Variants in SMAD9 observed in about 807,000 individuals in gnomAD.
SMAD9 encodes SMAD family member 9, also known as MAD homolog 9.
In SMAD9, 36 loss-of-function variants were observed where a neutral mutation model predicts 46.1. The observed-to-expected ratio is 0.78, with a 90% CI of 0.60 to 1.03. The LOEUF (loss-of-function observed/expected upper bound fraction) is 1.03. SMAD9 is among the 50% of genes least tolerant of loss of function. The pLI is 0.00. For missense variants in SMAD9, 572 were observed against 599.8 expected (o/e 0.95, Z 0.48); for synonymous variants, 245 against 237.1 (o/e 1.03, Z -0.31).
chr13:36,901,354 CTGTTTT>C lies in SMAD9; in HGVS notation c.-187+18756_-187+18761del, dbSNP rs138134884. 4.9e-3 allele frequency among the ~76,000 whole-genome samples: 740 copies of C among 151,936 alleles called. 5 individuals are homozygous for C. The highest frequency in any genetic ancestry group is 0.017 in the African/African-American group (711 of 41,430). On this transcript the variant is annotated intron_variant, in intron 1 of 6. Coordinates refer to ENST00000379826, the MANE Select transcript of SMAD9 (RefSeq NM_001127217.3). ...TGACACTTGTTATTTTTCACTGTTT[CTGTTTT>C]TATTATAGCATCTTAGTAGATATGT...
chr13:36,896,735 G>T (rs933828443), intron 1 of SMAD9, among the ~76,000 whole-genome samples: 7 of 149,232 alleles, frequency 4.7e-5, no homozygotes, highest in Admixed American at 2.0e-4. Context: ...TATCCACCCA[G>T]AGAAACCAAT....
intron 1 of SMAD9, among the ~76,000 whole-genome samples, chr13:36,903,612 T>C (rs1486028697): frequency 1.3e-5 from 2 of 152,240 alleles, no homozygotes; most frequent in East Asian, 3.8e-4. Flanking sequence ...TTGTTTTCTT[T>C]GAACTGAGAG....
rs200467374 is a variant in SMAD9, at chr13:36,865,648, T to C, written c.892A>G (p.Ile298Val). The C allele has an allele frequency of 1.2e-5, 19 of 1,614,186 alleles. No homozygotes were observed. The East Asian group carries it at 2.7e-4, about 23-fold the overall frequency. ...TTTGAAGGGTCGGTGAACCCATCTA[T>C]GAGCACACTTCGGGAGGAAGCCTGG... is the stretch of plus-strand genomic sequence containing the variant. ...TFQASSRSVL[I>V]DGFTDPSNNR... The change falls in exon 5 of 7, where the codon ATA (isoleucine) becomes GTA (valine). Residue 298 changes from isoleucine (I) to valine (V), a missense_variant. Ile to Val is a conservative substitution (Grantham distance 29). Transcript: ENST00000379826.
intron 3 of SMAD9, among the ~76,000 whole-genome samples, chr13:36,869,412 G>C (rs1219767498): frequency 1.3e-5 from 2 of 152,000 alleles, no homozygotes; most frequent in Non-Finnish European, 2.9e-5. Context: ...AGTAGAGACA[G>C]GGTTTCACCA....
chr13:36,845,255 A>G lies in SMAD9; in HGVS notation c.*3421T>C, dbSNP rs1019368517. 3.9e-5 allele frequency: 6 copies of G among 152,174 alleles called. No individual in the cohort carries two copies. The highest frequency in any genetic ancestry group is 1.2e-4 in the African/African-American group (5 of 41,436). The allele number at this position is 152,174 out of a possible 1,614,324, so 9.4% of individuals were successfully genotyped here. On this transcript the variant is annotated 3_prime_UTR_variant, in exon 7 of 7. Coordinates refer to ENST00000379826, the MANE Select transcript of SMAD9 (RefSeq NM_001127217.3). Reference sequence around the variant, plus strand: ...GGGAACATCCATATCCTTAGAAGACAATAAAAAAGAGGATTCTAAATGCTA... The same window carrying G: ...GGGAACATCCATATCCTTAGAAGACGATAAAAAAGAGGATTCTAAATGCTA...
At chr13:36,906,279 C>G (rs1414494773) in intron 1 of SMAD9, among the ~76,000 whole-genome samples, 2 of 151,960 alleles carry the variant, frequency 1.3e-5, no homozygotes, top group Non-Finnish European at 2.9e-5. Flanking sequence ...TTTTTAAAAA[C>G]AGGAAATTTT....
chr13:36,898,056 C>T (rs2058543874), intron 1 of SMAD9, among the ~76,000 whole-genome samples: 1 of 151,758 alleles, frequency 6.6e-6, no homozygotes, highest in Non-Finnish European at 1.5e-5. Context: ...GACAGGGTTT[C>T]ACCGTGTTAG....
intron 6 of SMAD9, chr13:36,852,054 G>A: frequency 2.1e-6 from 2 of 963,906 alleles, no homozygotes; most frequent in Non-Finnish European, 2.5e-6. Flanking sequence ...GAAGTTATTT[G>A]TTAATATAAC....
intron 1 of SMAD9, among the ~76,000 whole-genome samples, chr13:36,916,348 T>C (rs181708818): frequency 1.3e-5 from 2 of 152,328 alleles, no homozygotes; most frequent in East Asian, 1.9e-4. Context: ...AAACTGCTAA[T>C]GCAATAAGAG....
intron 5 of SMAD9, among the ~76,000 whole-genome samples, chr13:36,860,998 G>C (rs957580429): frequency 5.3e-5 from 8 of 152,164 alleles, no homozygotes; most frequent in African/African-American, 1.9e-4. Flanking sequence ...CATCTTGCTA[G>C]TGAGGTCAAA....
At position 36,898,199 on chromosome 13, in the gene SMAD9, TA is replaced by T. The variant is rs1274788617; in HGVS notation, c.-186-18325del. The stretch of plus-strand genomic sequence containing the variant: ...TAATAAGGGTGTGGGTTACCCTTAT[TA>T]GGGGTAGGTAACATAGTTGGTCTAC... On this transcript the variant is annotated intron_variant, in intron 1 of 6. Coordinates refer to ENST00000379826, the MANE Select transcript of SMAD9 (RefSeq NM_001127217.3). 5.3e-5 allele frequency among the ~76,000 whole-genome samples: 8 copies of T among 152,076 alleles called. No individual in the cohort carries two copies. The East Asian group carries it at 1.5e-3, about 29-fold the overall frequency.
intron 6 of SMAD9, among the ~76,000 whole-genome samples, chr13:36,852,834 T>A (rs757707348): frequency 6.6e-6 from 1 of 152,254 alleles, no homozygotes; most frequent in African/African-American, 2.4e-5. Flanking sequence ...GCACTAGTCC[T>A]GTAAAATTAC....
chr13:36,854,938 A>G (rs2058109038), intron 5 of SMAD9, among the ~76,000 whole-genome samples: 2 of 152,192 alleles, frequency 1.3e-5, no homozygotes, highest in Non-Finnish European at 2.9e-5. Context: ...AAAACTCATA[A>G]GCAAAATATA....
intron 1 of SMAD9, among the ~76,000 whole-genome samples, chr13:36,908,217 C>T (rs969420729): frequency 6.6e-6 from 1 of 152,172 alleles, no homozygotes; most frequent in African/African-American, 2.4e-5. Flanking sequence ...GATCTGTTTT[C>T]TGTTTCACAA....
chr13:36,855,251 CAAAAAAAAAAAAA>C (rs1198605048), intron 5 of SMAD9, among the ~76,000 whole-genome samples: 6 of 45,966 alleles, frequency 1.3e-4, no homozygotes, highest in East Asian at 6.0e-4. Flanking sequence ...GAGTCCATCT[CAAAAAAAAAAAAA>C]AAAAAAAAAA....
chr13:36,853,591 T>G lies in SMAD9; in HGVS notation c.1088A>C (p.Asn363Thr). 5 of 1,614,086 alleles carry G rather than the reference T, an allele frequency of 3.1e-6. No homozygotes were observed. The highest frequency in any genetic ancestry group is 4.2e-6 in the Non-Finnish European group (5 of 1,180,006). The change falls in exon 6 of 7, where the codon AAC becomes ACC. Residue 363 changes from asparagine to threonine, a missense_variant. Coordinates refer to ENST00000379826, the MANE Select transcript of SMAD9 (RefSeq NM_001127217.3). Reference sequence around the variant, plus strand: ...AGCTGGGTGGAAGCCGTGTTGATAGTTGCAGTTCCGGCTCTGCACAAAGAT... The same window carrying G: ...AGCTGGGTGGAAGCCGTGTTGATAGGTGCAGTTCCGGCTCTGCACAAAGAT... The part of the protein sequence containing the change: ...SSIFVQSRNC[N>T]YQHGFHPATV...
Position 36,848,345 on chromosome 13 carries a change from C to T in SMAD9, c.*331G>A. ...TCAATGTTTCTGTGAGGCCACACAA[C>T]ATGCTTTATAATGACACGGCTGACT... is the stretch of plus-strand genomic sequence containing the variant. On this transcript the variant is annotated 3_prime_UTR_variant, in exon 7 of 7. Transcript: ENST00000379826. The T allele has an allele frequency of 3.0e-6, 1 of 327,924 alleles. No individual in the cohort carries two copies. Among genetic ancestry groups the T allele is most frequent in the South Asian group, 3.2e-5 (1 of 31,292 alleles). 20.3% of individuals were successfully genotyped at this position (327,924 alleles called of 1,614,324 possible).
chr13:36,913,894 C>T (rs2058679436), intron 1 of SMAD9, among the ~76,000 whole-genome samples: 1 of 152,212 alleles, frequency 6.6e-6, no homozygotes, highest in Non-Finnish European at 1.5e-5. Context: ...TTCTTGGCTT[C>T]TAATAATCAC....
At chr13:36,906,607 C>G (rs1333831444) in intron 1 of SMAD9, among the ~76,000 whole-genome samples, 1 of 152,146 alleles carries the variant, frequency 6.6e-6, no homozygotes, top group Non-Finnish European at 1.5e-5. Context: ...AGACACTTCT[C>G]CAAAGAAGAT....
Sources: gnomAD v4.1 joint callset for allele counts (sites outside exome capture counted in the v4.1 genomes callset) on GRCh38, gnomAD v4.1.1 for gene constraint, MANE v1.5 for transcripts, NCBI Gene and HGNC (gene_info 2026-07-23, HGNC 2026-07-21) for gene names.